Variants in FXN observed in about 807,000 individuals in gnomAD.
FXN encodes the protein frataxin.
Under a neutral mutation model 22.4 loss-of-function variants are expected in FXN, and 14 were observed. That is an observed-to-expected ratio of 0.62 (90% CI 0.41 to 0.98). FXN has a LOEUF of 0.98. Ranked by LOEUF, FXN falls within the 50% of genes least tolerant of loss-of-function variation. FXN has a pLI of 0.00. For synonymous variants in FXN, 120 were observed against 114.1 expected, an observed-to-expected ratio of 1.05 and a Z score of -0.33; for missense variants, 267 against 268.4, an observed-to-expected ratio of 0.99 and a Z score of 0.04.
intron 4 of FXN, among the ~76,000 whole-genome samples, chr9:69,069,254 G>A (rs1815427): frequency 0.54 from 81,488 of 151,972 alleles, 22,040 homozygotes; most frequent in Admixed American, 0.61. Context: ...AATCCCAGCT[G>A]CTTGGGAGAC....
chr9:69,048,423 G>A (rs1482462679), intron 2 of FXN, among the ~76,000 whole-genome samples: 1 of 152,036 alleles, frequency 6.6e-6, no homozygotes, highest in Non-Finnish European at 1.5e-5. Flanking sequence ...GGCCAACATG[G>A]TGAAACCCTG....
chr9:69,073,907 G>C lies in FXN; in HGVS notation c.*1145G>C. On this transcript the variant is annotated 3_prime_UTR_variant, in exon 5 of 5. Coordinates refer to ENST00000484259, the MANE Select transcript of FXN (RefSeq NM_000144.5). ...TGAAAATAATAGCCATCCTTGGCCT[G>C]GCGCGGTGGCTCACACCTGTAATCC... 3 of 984,224 alleles carry C rather than the reference G, an allele frequency of 3.0e-6. No individual in the cohort carries two copies. The highest frequency in any genetic ancestry group is 3.6e-6 in the Non-Finnish European group (3 of 828,874). 61.0% of individuals were successfully genotyped at this position (984,224 alleles called of 1,614,324 possible). A position where few individuals can be genotyped will look rare whatever the true frequency, so the allele number is the denominator to read the frequency against.
intron 1 of FXN, among the ~76,000 whole-genome samples, chr9:69,036,451 A>G (rs1395427096): frequency 3.9e-5 from 6 of 152,188 alleles, no homozygotes; most frequent in Admixed American, 1.3e-4. Flanking sequence ...ATTTTTTTGA[A>G]CGAAATGCTT....
chr9:69,037,284 A>AG lies in FXN; in HGVS notation c.165+1337_165+1338insG, dbSNP rs1554758734. Reference sequence around the variant, plus strand: ...ACTAAAAAATACAAAAAAAAAAAAAAAAGAAGAAGAAGAAGAAGAAAATAA... The same window carrying AG: ...ACTAAAAAATACAAAAAAAAAAAAAAGAAGAAGAAGAAGAAGAAGAAAATAA... On this transcript the variant is annotated intron_variant, in intron 1 of 4. Transcript: ENST00000484259. 6.8e-4 allele frequency among the ~76,000 whole-genome samples: 53 copies of AG among 78,062 alleles called. 1 individual carries two copies. Among genetic ancestry groups the AG allele is most frequent in the Admixed American group, 8.8e-4 (6 of 6,780 alleles). The allele number at this position is 78,062 out of a possible 152,430, so 51.2% of individuals were successfully genotyped here. A position where few individuals can be genotyped will look rare whatever the true frequency, so the allele number is the denominator to read the frequency against.
At chr9:69,059,872 G>A (rs539766268) in intron 3 of FXN, among the ~76,000 whole-genome samples, 18 of 152,272 alleles carry the variant, frequency 1.2e-4, no homozygotes, top group African/African-American at 4.1e-4. Flanking sequence ...ATTTATAAGA[G>A]GATCAATTAA....
intron 2 of FXN, among the ~76,000 whole-genome samples, chr9:69,047,627 C>T (rs944603829): frequency 1.3e-5 from 2 of 152,228 alleles, no homozygotes; most frequent in African/African-American, 4.8e-5. Flanking sequence ...GGAGCCTTCA[C>T]AGCCCACTTC....
At chr9:69,054,903 A>G (rs1190231280) in intron 3 of FXN, among the ~76,000 whole-genome samples, 2 of 152,240 alleles carry the variant, frequency 1.3e-5, no homozygotes, top group Non-Finnish European at 2.9e-5. Context: ...GTTGAGGACA[A>G]TCAGCCATCA....
At chr9:69,052,040 G>A (rs1564332943) in intron 2 of FXN, among the ~76,000 whole-genome samples, 4 of 151,934 alleles carry the variant, frequency 2.6e-5, no homozygotes, top group African/African-American at 9.7e-5. Flanking sequence ...TAGAGGCGAG[G>A]TTTCACCATG....
chr9:69,071,175 C>G (rs773224517), intron 4 of FXN: 1 of 518,944 alleles, frequency 1.9e-6, no homozygotes, highest in Admixed American at 1.9e-5. Flanking sequence ...CCTGGCAACC[C>G]GATAGCAGTA....
chr9:69,073,469 C>G lies in FXN; in HGVS notation c.*707C>G, dbSNP rs1832310871. On this transcript the variant is annotated 3_prime_UTR_variant, in exon 5 of 5. Transcript: ENST00000484259. ...CAGCTGCTACAAGAATGCAAAAAAT[C>G]TTCCAAAGACAAGAAAAGAGGAAAA... The G allele has an allele frequency of 2.0e-6, 2 of 985,268 alleles. No individual in the cohort carries two copies. The highest frequency in any genetic ancestry group is 2.4e-6 in the Non-Finnish European group (2 of 829,968). 61.0% of individuals were successfully genotyped at this position (985,268 alleles called of 1,614,324 possible).
intron 1 of FXN, among the ~76,000 whole-genome samples, chr9:69,041,402 A>G (rs1357829546): frequency 6.6e-6 from 1 of 152,180 alleles, no homozygotes. Context: ...ACTGTAAATC[A>G]CACTATCCAG....
chr9:69,047,135 G>A (rs1048002077), intron 2 of FXN, among the ~76,000 whole-genome samples: 6 of 152,096 alleles, frequency 3.9e-5, no homozygotes, highest in Admixed American at 1.3e-4. Flanking sequence ...TGTCAGGCAC[G>A]GCTACAGTCT....
In FXN at chr9:69,078,435, C is replaced by T. The variant is rs1184189189; in HGVS notation, c.*5673C>T. 6.1e-6 allele frequency: 6 copies of T among 985,400 alleles called. No homozygotes were observed. The highest frequency in any genetic ancestry group is 7.2e-6 in the Non-Finnish European group (6 of 829,930). 61.0% of individuals were successfully genotyped at this position (985,400 alleles called of 1,614,324 possible). On this transcript the variant is annotated 3_prime_UTR_variant, in exon 5 of 5. Coordinates refer to ENST00000484259, the MANE Select transcript of FXN (RefSeq NM_000144.5). The stretch of plus-strand genomic sequence containing the variant: ...CATTTTTGCAGGAGCTTTCTTATAT[C>T]CACCTTCCTCCTTTTCTCTCAGCCC...
intron 4 of FXN, among the ~76,000 whole-genome samples, chr9:69,071,597 C>T (rs117285502): frequency 0.019 from 2,961 of 152,318 alleles, 36 homozygotes; most frequent in Non-Finnish European, 0.032. Flanking sequence ...TCTGTCCACA[C>T]GAATACAGCA....
At chr9:69,054,812 A>G (rs1350798471) in intron 3 of FXN, among the ~76,000 whole-genome samples, 1 of 152,180 alleles carries the variant, frequency 6.6e-6, no homozygotes, top group East Asian at 1.9e-4. Flanking sequence ...TGGCTCCTCA[A>G]AGATGTTAAT....
In FXN at chr9:69,072,799, G is replaced by A. The variant is rs1482364592; in HGVS notation, c.*37G>A. On this transcript the variant is annotated 3_prime_UTR_variant, in exon 5 of 5. Coordinates refer to ENST00000484259, the MANE Select transcript of FXN (RefSeq NM_000144.5). ...GTTTTAAGGACATTAAAAGCTATCA[G>A]GCCAAGACCCCAGCTTCATTATGCA... 1.2e-6 allele frequency: 2 copies of A among 1,613,514 alleles called. No homozygotes were observed. Among genetic ancestry groups the A allele is most frequent in the Admixed American group, 1.7e-5 (1 of 59,976 alleles).
chr9:69,069,572 G>A (rs1458704861), intron 4 of FXN, among the ~76,000 whole-genome samples: 1 of 152,228 alleles, frequency 6.6e-6, no homozygotes, highest in Non-Finnish European at 1.5e-5. Flanking sequence ...ACTTGGCAGT[G>A]GAGGGGAACA....
chr9:69,074,961 C>T lies in FXN; in HGVS notation c.*2199C>T, dbSNP rs1164658431. Reference sequence around the variant, plus strand: ...ACCCCACTTACTTAGAACTCGGTGACATGATGTACTCCTTTATCTGGGACA... The same window carrying T: ...ACCCCACTTACTTAGAACTCGGTGATATGATGTACTCCTTTATCTGGGACA... On this transcript the variant is annotated 3_prime_UTR_variant, in exon 5 of 5. Transcript: ENST00000484259. The T allele has an allele frequency of 1.0e-6, 1 of 985,292 alleles. No individual in the cohort carries two copies. The highest frequency in any genetic ancestry group is 1.7e-5 in the African/African-American group (1 of 57,228). The allele number at this position is 985,292 out of a possible 1,614,324, so 61.0% of individuals were successfully genotyped here.
At chr9:69,070,239 A>G (rs963869135) in intron 4 of FXN, among the ~76,000 whole-genome samples, 2 of 152,048 alleles carry the variant, frequency 1.3e-5, no homozygotes, top group African/African-American at 4.8e-5. Flanking sequence ...AAAAAAAAAA[A>G]AAAGAAAGAA....
Sources: gnomAD v4.1 joint callset for allele counts (sites outside exome capture counted in the v4.1 genomes callset) on GRCh38, gnomAD v4.1.1 for gene constraint, MANE v1.5 for transcripts, NCBI Gene and HGNC (gene_info 2026-07-23, HGNC 2026-07-21) for gene names.